Variants in DLG2 observed in about 807,000 individuals in gnomAD.
DLG2 encodes the protein disks large homolog 2.
A neutral mutation model predicts 132.5 loss-of-function variants in DLG2; 45 were observed. The ratio of observed to expected loss-of-function variants is 0.34; its 90% CI spans 0.27 to 0.44. DLG2 has a LOEUF of 0.44. DLG2 is among the 20% of genes least tolerant of loss of function. DLG2 has a pLI of 1.00. For missense variants in DLG2, 1,045 were observed against 1,196.9 expected, an observed-to-expected ratio of 0.87 and a Z score of 1.87; for synonymous variants, 424 against 419.6, an observed-to-expected ratio of 1.01 and a Z score of -0.13.
chr11:84,143,595 T>A (rs922455051), intron 9 of DLG2, among the ~76,000 whole-genome samples: 9 of 152,178 alleles, frequency 5.9e-5, no homozygotes, highest in African/African-American at 2.2e-4. Flanking sequence ...ATCAGGCTCA[T>A]CAACATCAAG....
chr11:85,025,899 T>G (rs1237160083), intron 6 of DLG2, among the ~76,000 whole-genome samples: 1 of 151,878 alleles, frequency 6.6e-6, no homozygotes, highest in Non-Finnish European at 1.5e-5. Context: ...CAATAAATGT[T>G]TTAGATACAC....
intron 16 of DLG2, among the ~76,000 whole-genome samples, chr11:83,848,820 G>C (rs1386432083): frequency 6.6e-6 from 1 of 152,124 alleles, no homozygotes; most frequent in Non-Finnish European, 1.5e-5. Context: ...AGACTCTCCT[G>C]TGCCATTTGT....
chr11:84,925,824 C>T lies in DLG2; in HGVS notation c.357+185837G>A, dbSNP rs548841731. Among the ~76,000 whole-genome samples, 139 of 151,970 alleles carry T rather than the reference C, an allele frequency of 9.1e-4. 1 individual carries two copies. The highest frequency in any genetic ancestry group is 4.9e-3 in the Admixed American group (75 of 15,262). On this transcript the variant is annotated intron_variant, in intron 6 of 27. Coordinates refer to ENST00000376104, the MANE Select transcript of DLG2 (RefSeq NM_001142699.3). ...GAATATTAATGATGAACCCTGCCAT[C>T]AAAATAAACTCTGGAAGGATCAATG... is the stretch of plus-strand genomic sequence containing the variant.
chr11:85,024,410 T>TA (rs1286922087), intron 6 of DLG2, among the ~76,000 whole-genome samples: 1 of 152,024 alleles, frequency 6.6e-6, no homozygotes, highest in Non-Finnish European at 1.5e-5. Flanking sequence ...ACTGCTAGAG[T>TA]AACAATTAAA....
At chr11:83,850,519 A>G (rs190743597) in intron 16 of DLG2, among the ~76,000 whole-genome samples, 4 of 151,170 alleles carry the variant, frequency 2.6e-5, no homozygotes, top group Admixed American at 2.0e-4. Context: ...TGGGATAATA[A>G]TTAATGAATA....
At chr11:84,714,617 TTCTCTTTC>T (rs1315498411) in intron 6 of DLG2, among the ~76,000 whole-genome samples, 9 of 96,606 alleles carry the variant, frequency 9.3e-5, no homozygotes, top group Admixed American at 2.0e-4. Flanking sequence ...CTCTTTCTCT[TTCTCTTTC>T]TCTCTCTCTC....
intron 8 of DLG2, 81 bp from the exon 9 acceptor site, chr11:84,163,592 G>A: frequency 5.0e-6 from 6 of 1,194,056 alleles, no homozygotes; most frequent in Non-Finnish European, 7.1e-6. Context: ...TAATGCTTGG[G>A]GGTGAAATTT....
chr11:85,349,596 G>A lies in DLG2; in HGVS notation c.41-64231C>T, dbSNP rs149306348. Among the ~76,000 whole-genome samples, 131 of 152,160 alleles carry A rather than the reference G, an allele frequency of 8.6e-4. 1 individual carries two copies. The highest frequency in any genetic ancestry group is 3.0e-3 in the African/African-American group (124 of 41,464). Reference sequence around the variant, plus strand: ...CCTCCAACAGGCCCCAGTGTGTGATGTTCCCCACCCTGTGTCCAAGTGATC... The same window carrying A: ...CCTCCAACAGGCCCCAGTGTGTGATATTCCCCACCCTGTGTCCAAGTGATC... On this transcript the variant is annotated intron_variant, in intron 3 of 27. Transcript: ENST00000376104.
chr11:85,212,761 G>T (rs1278235996), intron 4 of DLG2, among the ~76,000 whole-genome samples: 1 of 152,084 alleles, frequency 6.6e-6, no homozygotes, highest in Non-Finnish European at 1.5e-5. Flanking sequence ...CCTGCCCAAG[G>T]TCACACAGCA....
At chr11:84,440,544 C>G (rs1602159419) in intron 7 of DLG2, among the ~76,000 whole-genome samples, 1 of 152,152 alleles carries the variant, frequency 6.6e-6, no homozygotes, top group Admixed American at 6.5e-5. Flanking sequence ...ACAGTTAATC[C>G]TACTAGTCTC....
chr11:85,310,529 T>C (rs1433331316), intron 3 of DLG2, among the ~76,000 whole-genome samples: 1 of 151,978 alleles, frequency 6.6e-6, no homozygotes, highest in African/African-American at 2.4e-5. Context: ...AACCAGCAGA[T>C]GTCTTGGGCA....
At chr11:84,537,383 G>T in intron 6 of DLG2, among the ~76,000 whole-genome samples, 1 of 152,104 alleles carries the variant, frequency 6.6e-6, no homozygotes, top group Non-Finnish European at 1.5e-5. Context: ...TAGGATTACA[G>T]GCGTGAGCCA....
At chr11:84,099,097 C>T (rs1281816037) in intron 9 of DLG2, 50 bp from the exon 10 acceptor site, 3 of 1,557,716 alleles carry the variant, frequency 1.9e-6, no homozygotes, top group South Asian at 2.2e-5. Flanking sequence ...CACCTAAAAC[C>T]TAGTTCCTCT....
At chr11:84,540,165 G>A (rs2099364732) in intron 6 of DLG2, among the ~76,000 whole-genome samples, 1 of 152,010 alleles carries the variant, frequency 6.6e-6, no homozygotes, top group African/African-American at 2.4e-5. Flanking sequence ...CATAAGCAAT[G>A]GCAACAAAAG....
chr11:85,334,426 T>A (rs2081989208), intron 3 of DLG2, among the ~76,000 whole-genome samples: 1 of 152,128 alleles, frequency 6.6e-6, no homozygotes, highest in Non-Finnish European at 1.5e-5. Context: ...CATGTCTCAA[T>A]TTTGTTGTAT....
At chr11:85,426,855 T>A (rs1044295385) in intron 3 of DLG2, among the ~76,000 whole-genome samples, 4 of 152,024 alleles carry the variant, frequency 2.6e-5, no homozygotes, top group African/African-American at 9.7e-5. Flanking sequence ...TTCAAACCCA[T>A]GGCAAAGTAG....
chr11:84,199,606 T>C (rs998336342), intron 8 of DLG2, among the ~76,000 whole-genome samples: 1 of 151,914 alleles, frequency 6.6e-6, no homozygotes. Context: ...CTGAAAATAA[T>C]TTTAAAAAGA....
intron 3 of DLG2, among the ~76,000 whole-genome samples, chr11:85,536,315 G>A (rs2075577689): frequency 6.6e-6 from 1 of 151,866 alleles, no homozygotes; most frequent in African/African-American, 2.4e-5. Context: ...ACCTTGGCAT[G>A]CTGCATCCTT....
intron 3 of DLG2, among the ~76,000 whole-genome samples, chr11:85,388,393 A>C (rs1020410638): frequency 6.6e-6 from 1 of 152,100 alleles, no homozygotes; most frequent in African/African-American, 2.4e-5. Flanking sequence ...CAAAGGACAT[A>C]TCTCTTGGGA....
Sources: gnomAD v4.1 joint callset for allele counts (sites outside exome capture counted in the v4.1 genomes callset) on GRCh38, gnomAD v4.1.1 for gene constraint, MANE v1.5 for transcripts, NCBI Gene and HGNC (gene_info 2026-07-23, HGNC 2026-07-21) for gene names.